Variants in DPH1 observed in about 807,000 individuals in gnomAD.
DPH1 encodes 2-(3-amino-3-carboxypropyl)histidine synthase subunit 1.
DPH1 carries 59 observed loss-of-function variants against 55.3 expected under a neutral mutation model. The observed-to-expected ratio is 1.07, with a 90% confidence interval of 0.87 to 1.33. DPH1 has a LOEUF of 1.33. Ranked by LOEUF, DPH1 falls within the 40% of genes most tolerant of loss-of-function variation. DPH1 has a pLI of 0.00. For missense variants in DPH1, 628 were observed against 584.8 expected, an observed-to-expected ratio of 1.07 and a Z score of -0.76; for synonymous variants, 238 against 235.5, an observed-to-expected ratio of 1.01 and a Z score of -0.10.
chr17:2,030,452 T>C (rs1183883683), intron 1 of DPH1, among the ~76,000 whole-genome samples: 1 of 152,164 alleles, frequency 6.6e-6, no homozygotes, highest in Non-Finnish European at 1.5e-5. Context: ...CAGCCCTTAA[T>C]CCTCCAATCG....
chr17:2,040,077 A>G, intron 7 of DPH1, 141 bp from the exon 8 acceptor site: 4 of 1,254,592 alleles, frequency 3.2e-6, no homozygotes, highest in Non-Finnish European at 4.4e-6. Context: ...TCCTAATGAC[A>G]GTCCCCGCTC....
chr17:2,033,510 G>A lies in DPH1; in HGVS notation c.67G>A (p.Ala23Thr), dbSNP rs749351056. Residue 23 changes from alanine (A) to threonine (T), a missense_variant, in exon 2 of 13, where the codon GCC becomes ACC. By Grantham distance (58) the Ala-to-Thr change is moderately conservative. Transcript: ENST00000263083. ...GGRDGPGRGR[A>T]PRGRVANQIP... is the part of the protein sequence containing the mutation. ...AGGCCTTATATCCATTCTAGGTCGG[G>A]CCCCTCGGGGCCGCGTGGCCAATCA... The A allele has an allele frequency of 5.3e-5, 86 of 1,613,904 alleles. No homozygotes were observed. Among genetic ancestry groups the A allele is most frequent in the Non-Finnish European group, 7.1e-5 (84 of 1,180,038 alleles).
At chr17:2,035,917 C>T in intron 3 of DPH1, 53 bp from the exon 4 acceptor site, 1 of 1,610,924 alleles carries the variant, frequency 6.2e-7, no homozygotes, top group Non-Finnish European at 8.5e-7. Flanking sequence ...TGGGTCTCTC[C>T]TACCTCAGTC....
intron 7 of DPH1, 129 bp downstream of exon 7, chr17:2,039,952 G>C: frequency 2.9e-6 from 4 of 1,389,676 alleles, no homozygotes; most frequent in Non-Finnish European, 4.0e-6. Context: ...TGAGGCACTT[G>C]GGCCCTGGAT....
chr17:2,033,912 G>A, intron 3 of DPH1, 70 bp downstream of exon 3: 1 of 1,584,058 alleles, frequency 6.3e-7, no homozygotes, highest in South Asian at 1.1e-5. Flanking sequence ...TTACCCGGGT[G>A]GGTAAAGCCC....
chr17:2,031,618 G>A (rs542913440), intron 1 of DPH1, among the ~76,000 whole-genome samples: 5 of 150,994 alleles, frequency 3.3e-5, no homozygotes, highest in Non-Finnish European at 5.9e-5. Context: ...CATGCCTGTG[G>A]TCCTAGCTAC....
rs1246035363 is a variant in DPH1, at chr17:2,036,101, G to A, written c.400+10G>A. ...GGCCACAGTTGCCTGAGTATGGTGG[G>A]GCCAGGACACCTGGACGGTGGCGGG... On this transcript the variant is annotated intron_variant, in intron 4 of 12. Coordinates refer to ENST00000263083, the MANE Select transcript of DPH1 (RefSeq NM_001383.6). The surrounding 1 kb of genome is among the most constrained non-coding windows in gnomAD (Gnocchi z 4.8). The A allele has an allele frequency of 6.2e-7, 1 of 1,613,650 alleles. No homozygotes were observed.
chr17:2,042,302 A>T, intron 12 of DPH1: 2 of 1,392,498 alleles, frequency 1.4e-6, no homozygotes, highest in Non-Finnish European at 1.9e-6. Context: ...GACACCCTTC[A>T]GCATCCCCCA....
At chr17:2,033,900 CATT>C in intron 3 of DPH1, 58 bp downstream of exon 3, 1 of 1,600,690 alleles carries the variant, frequency 6.2e-7, no homozygotes, top group Non-Finnish European at 8.5e-7. Flanking sequence ...CCCCTATGCT[CATT>C]ACCCGGGTGG....
Position 2,043,146 on chromosome 17 carries a change from G to GGGGC in DPH1, c.*561_*564dup. The GGGGC allele has an allele frequency of 6.3e-7, 1 of 1,589,316 alleles. No homozygotes were observed. Among genetic ancestry groups the GGGGC allele is most frequent in the Non-Finnish European group, 8.6e-7 (1 of 1,167,884 alleles). On this transcript the variant is annotated 3_prime_UTR_variant, in exon 13 of 13. Coordinates refer to ENST00000263083, the MANE Select transcript of DPH1 (RefSeq NM_001383.6). ...TCTGCTCCTACATCCAGCTCCTCTA[G>GGGGC]GGGCAGCCTCCGTCATCCATGCCCT...
chr17:2,039,322 A>C (rs1346397398), intron 6 of DPH1: 1 of 158,010 alleles, frequency 6.3e-6, no homozygotes, highest in African/African-American at 2.5e-5. Flanking sequence ...CGGCCTCCCA[A>C]AGTGTTGGGA....
At chr17:2,038,419 C>T (rs1283265351) in intron 6 of DPH1, among the ~76,000 whole-genome samples, 1 of 152,178 alleles carries the variant, frequency 6.6e-6, no homozygotes, top group Non-Finnish European at 1.5e-5. Flanking sequence ...CCTGCAACCT[C>T]ATGTACAGCA....
At chr17:2,039,697 C>T in intron 6 of DPH1, 58 bp from the exon 7 acceptor site, 8 of 1,610,628 alleles carry the variant, frequency 5.0e-6, no homozygotes, top group Non-Finnish European at 6.8e-6. Flanking sequence ...ACTTCTAAGC[C>T]AGCGAGTGCC....
In DPH1 at chr17:2,036,322, G is replaced by T; in HGVS notation, c.401-207G>T. 9.4e-7 allele frequency: 1 copy of T among 1,059,970 alleles called. No homozygotes were observed. The highest frequency in any genetic ancestry group is 1.3e-6 in the Non-Finnish European group (1 of 755,154). The allele number at this position is 1,059,970 out of a possible 1,614,324, so 65.7% of individuals were successfully genotyped here. A position where few individuals can be genotyped will look rare whatever the true frequency, so the allele number is the denominator to read the frequency against. ...GCAGGTGTTTGAAAGGCTGTTGGTT[G>T]TAGAGCAGGCTGGGCCCCGGCCGGG... On this transcript the variant is annotated intron_variant, in intron 4 of 12. Transcript: ENST00000263083. The surrounding 1 kb of genome is among the most constrained non-coding windows in gnomAD (Gnocchi z 4.8).
Position 2,042,652 on chromosome 17 carries a change from C to T in DPH1, c.*66C>T, listed in dbSNP as rs1567550124. On this transcript the variant is annotated 3_prime_UTR_variant, in exon 13 of 13. Coordinates refer to ENST00000263083, the MANE Select transcript of DPH1 (RefSeq NM_001383.6). Reference sequence around the variant, plus strand: ...GCCTCGAGGCTGGTGGTTTTCAGAGCAGGAGGCCGACGTTTTCTCCGCATT... The same window carrying T: ...GCCTCGAGGCTGGTGGTTTTCAGAGTAGGAGGCCGACGTTTTCTCCGCATT... 4 of 1,524,338 alleles carry T rather than the reference C, an allele frequency of 2.6e-6. No individual in the cohort carries two copies. Among genetic ancestry groups the T allele is most frequent in the East Asian group, 2.3e-5 (1 of 44,252 alleles). The allele number at this position is 1,524,338 out of a possible 1,614,324, so 94.4% of individuals were successfully genotyped here. A position where few individuals can be genotyped will look rare whatever the true frequency, so the allele number is the denominator to read the frequency against.
rs1253049535 is a variant in DPH1 at position 2,036,594 on chromosome 17, A to C, written c.466A>C (p.Thr156Pro). The C allele has an allele frequency of 6.2e-7, 1 of 1,613,940 alleles. No homozygotes were observed. The highest frequency in any genetic ancestry group is 1.3e-5 in the African/African-American group (1 of 74,892). The change falls in exon 5 of 13, where the codon ACT (threonine) becomes CCT (proline). Residue 156 changes from threonine (T) to proline (P), a missense_variant. Thr to Pro is a conservative substitution (Grantham distance 38, BLOSUM62 -1). Transcript: ENST00000263083. This position sits in a 1 kb window ranked among gnomAD's most constrained non-coding sequence, Gnocchi z 4.8. Reference sequence around the variant, plus strand: ...CGTCTTTGTGGACATCCGGATAGACACTACACACCTCCTGGACTCTCTCCG... The same window carrying C: ...CGTCTTTGTGGACATCCGGATAGACCCTACACACCTCCTGGACTCTCTCCG... ...LYVFVDIRID[T>P]THLLDSLRLT...
At position 2,033,600 on chromosome 17, in the gene DPH1, T is replaced by A; in HGVS notation, c.157T>A (p.Tyr53Asn). The A allele has an allele frequency of 6.2e-7, 1 of 1,614,178 alleles. No individual in the cohort carries two copies. Among genetic ancestry groups the A allele is most frequent in the South Asian group, 1.1e-5 (1 of 91,074 alleles). Residue 53 changes from tyrosine (Y) to asparagine (N), a missense_variant, in exon 2 of 13, where the codon TAC becomes AAC. Coordinates refer to ENST00000263083, the MANE Select transcript of DPH1 (RefSeq NM_001383.6). ...AGCAATCCGGGTCCTGCCTTCCAAC[T>A]ACAACTTTGAGATCCCCAAGACCAT... ...QAAIRVLPSN[Y>N]NFEIPKTIWR...
At chr17:2,037,571 C>T (rs918063782) in intron 6 of DPH1, among the ~76,000 whole-genome samples, 2 of 152,190 alleles carry the variant, frequency 1.3e-5, no homozygotes, top group Admixed American at 1.3e-4. Context: ...CAGCCCTGCT[C>T]CCCGAGCAGC....
At chr17:2,041,209 G>T in intron 10 of DPH1, 28 bp downstream of exon 10, 1 of 1,584,710 alleles carries the variant, frequency 6.3e-7, no homozygotes, top group East Asian at 2.3e-5. Flanking sequence ...GAGAGAGTGG[G>T]CTTTGGACGT....
Sources: gnomAD v4.1 joint callset for allele counts (sites outside exome capture counted in the v4.1 genomes callset) on GRCh38, gnomAD v4.1.1 for gene constraint, Gnocchi (gnomAD v3.1) non-coding constraint, MANE v1.5 for transcripts, NCBI Gene and HGNC (gene_info 2026-07-23, HGNC 2026-07-21) for gene names.